Variants in SNX4 observed in about 807,000 individuals in gnomAD.
SNX4 encodes the protein sorting nexin-4.
A neutral mutation model predicts 70.8 loss-of-function variants in SNX4; 49 were observed. The ratio of observed to expected loss-of-function variants is 0.69; its 90% confidence interval spans 0.55 to 0.88. The LOEUF is 0.88. SNX4 is among the 40% of genes least tolerant of loss of function. The pLI is 0.00. For missense variants in SNX4, 528 were observed against 544.8 expected, an observed-to-expected ratio of 0.97 and a Z score of 0.31; for synonymous variants, 206 against 183.8, an observed-to-expected ratio of 1.12 and a Z score of -0.98.
Position 125,480,310 on chromosome 3 carries a change from A to G in SNX4, c.663T>C (p.Thr221=), listed in dbSNP as rs759997979. The G allele has an allele frequency of 5.9e-6, 9 of 1,523,480 alleles. No individual in the cohort carries two copies. In the African/African-American group the frequency reaches 1.2e-4, roughly 21 times the overall value. The allele number at this position is 1,523,480 out of a possible 1,614,324, so 94.4% of individuals were successfully genotyped here. Residue 221 remains threonine, a synonymous_variant, in exon 7 of 14, where the codon ACT becomes ACC. Transcript: ENST00000251775. ...FRVKNPDKRF[T]DLKHYSDELQ... is the part of the protein sequence containing the mutation. ...GTTCATCACTATAGTGCTTAAGGTCAGTAAATCTCCTGAAACAGGAAACAA... is the reference window on the plus strand; with the variant it reads ...GTTCATCACTATAGTGCTTAAGGTCGGTAAATCTCCTGAAACAGGAAACAA...
chr3:125,461,333 C>T (rs184683836), intron 9 of SNX4, among the ~76,000 whole-genome samples: 1 of 152,236 alleles, frequency 6.6e-6, no homozygotes, highest in Admixed American at 6.5e-5. Flanking sequence ...TGAGAATTAG[C>T]GTTTAGAATC....
At position 125,490,301 on chromosome 3, in the gene SNX4, G is replaced by A. The variant is rs540653578; in HGVS notation, c.598-838C>T. ...TGTAATCCCAGCACTTTGGGAGGCC[G>A]AGGCAGGCGGAGCACGAGGTCAGGA... On this transcript the variant is annotated intron_variant, in intron 5 of 13. Transcript: ENST00000251775. Among the ~76,000 whole-genome samples, 53 of 151,914 alleles carry A rather than the reference G, an allele frequency of 3.5e-4. 1 individual carries two copies. The highest frequency in any genetic ancestry group is 4.9e-4 in the Non-Finnish European group (33 of 67,992).
chr3:125,512,793 C>CA (rs1463640025), intron 1 of SNX4, among the ~76,000 whole-genome samples: 7 of 145,684 alleles, frequency 4.8e-5, no homozygotes, highest in Non-Finnish European at 1.0e-4. Context: ...TTTTTTGAGA[C>CA]AGAGTGTCAC....
chr3:125,465,445 C>T (rs1223764647), intron 9 of SNX4, among the ~76,000 whole-genome samples: 3 of 151,626 alleles, frequency 2.0e-5, no homozygotes, highest in East Asian at 1.9e-4. Context: ...GATGGGGTTT[C>T]GCCATGTCAG....
intron 1 of SNX4, among the ~76,000 whole-genome samples, chr3:125,518,768 C>A (rs1402670324): frequency 6.6e-6 from 1 of 151,634 alleles, no homozygotes; most frequent in South Asian, 2.1e-4. Flanking sequence ...CTTGGGAGGC[C>A]GAGGAGGGTG....
Position 125,466,811 on chromosome 3 carries a change from G to A in SNX4, c.854+2643C>T, listed in dbSNP as rs149350720. Among the ~76,000 whole-genome samples the A allele has an allele frequency of 9.9e-5, 15 of 151,838 alleles. No homozygotes were observed. In the East Asian group the frequency reaches 1.2e-3, roughly 12 times the overall value. On this transcript the variant is annotated intron_variant, in intron 9 of 13. Transcript: ENST00000251775. Reference sequence around the variant, plus strand: ...TTTAAAAAAAGAAAAAAAGCCGGACGCAGTGGCTCACGCCTATAATCCCAG... The same window carrying A: ...TTTAAAAAAAGAAAAAAAGCCGGACACAGTGGCTCACGCCTATAATCCCAG...
At chr3:125,492,107 C>CAAAAAAAAAAAAAAAA in intron 5 of SNX4, among the ~76,000 whole-genome samples, 1 of 47,406 alleles carries the variant, frequency 2.1e-5, no homozygotes, top group South Asian at 1.1e-3. Context: ...GACTCCATCT[C>CAAAAAAAAAAAAAAAA]AAAAAAAAAA....
chr3:125,496,723 C>T (rs1934801559), intron 5 of SNX4, among the ~76,000 whole-genome samples: 1 of 152,146 alleles, frequency 6.6e-6, no homozygotes, highest in Admixed American at 6.5e-5. Flanking sequence ...ATTTTCAGAT[C>T]ATCATCTCAT....
chr3:125,500,188 C>T (rs1934895694), intron 2 of SNX4, among the ~76,000 whole-genome samples: 1 of 152,024 alleles, frequency 6.6e-6, no homozygotes, highest in Non-Finnish European at 1.5e-5. Context: ...TATCTAATCA[C>T]TCAACAACTA....
At chr3:125,519,993 C>A in intron 1 of SNX4, 39 bp downstream of exon 1, 1 of 1,455,444 alleles carries the variant, frequency 6.9e-7, no homozygotes, top group South Asian at 1.3e-5. Flanking sequence ...GCTAGGCCAC[C>A]ACACAGGCCA....
At chr3:125,464,355 T>C (rs1381798700) in intron 9 of SNX4, among the ~76,000 whole-genome samples, 1 of 152,052 alleles carries the variant, frequency 6.6e-6, no homozygotes, top group African/African-American at 2.4e-5. Flanking sequence ...TTCTTAACAA[T>C]GTTTTCCACT....
chr3:125,486,201 T>C (rs764353567), intron 6 of SNX4, among the ~76,000 whole-genome samples: 3 of 152,168 alleles, frequency 2.0e-5, no homozygotes, highest in African/African-American at 2.4e-5. Context: ...TATATAGATT[T>C]TTCTCTATCC....
At chr3:125,467,999 T>A (rs1314893077) in intron 9 of SNX4, among the ~76,000 whole-genome samples, 1 of 152,132 alleles carries the variant, frequency 6.6e-6, no homozygotes, top group African/African-American at 2.4e-5. Context: ...CTAAATGCCA[T>A]GAACGGTGGA....
At chr3:125,474,221 G>C (rs1934241077) in intron 8 of SNX4, among the ~76,000 whole-genome samples, 2 of 152,110 alleles carry the variant, frequency 1.3e-5, no homozygotes, top group Admixed American at 1.3e-4. Context: ...ATTCTTCACT[G>C]GCAACTGCTG....
chr3:125,500,119 A>C (rs1404466222), intron 2 of SNX4, among the ~76,000 whole-genome samples: 1 of 152,072 alleles, frequency 6.6e-6, no homozygotes. Context: ...TAGTAGTTTC[A>C]TTATAAACTG....
intron 8 of SNX4, among the ~76,000 whole-genome samples, chr3:125,475,111 A>G (rs766222164): frequency 6.6e-6 from 1 of 152,192 alleles, no homozygotes; most frequent in African/African-American, 2.4e-5. Flanking sequence ...CATTTTTATA[A>G]TATCAATAAG....
intron 1 of SNX4, among the ~76,000 whole-genome samples, chr3:125,508,704 T>C (rs1225291379): frequency 3.9e-5 from 6 of 152,082 alleles, no homozygotes; most frequent in Admixed American, 1.3e-4. Flanking sequence ...TGAAATCAGA[T>C]AGTCCAGAAA....
chr3:125,466,427 A>C (rs1252825880), intron 9 of SNX4, among the ~76,000 whole-genome samples: 1 of 152,194 alleles, frequency 6.6e-6, no homozygotes, highest in Non-Finnish European at 1.5e-5. Flanking sequence ...CTCCAAAAGC[A>C]ATTGCAACAA....
At position 125,447,628 on chromosome 3, in the gene SNX4, A is replaced by ATG. The variant is rs1933456205; in HGVS notation, c.*150_*151insCA. 1 of 546,828 alleles carries ATG rather than the reference A, an allele frequency of 1.8e-6. No homozygotes were observed. Among genetic ancestry groups the ATG allele is most frequent in the Non-Finnish European group, 3.2e-6 (1 of 315,912 alleles). The allele number at this position is 546,828 out of a possible 1,614,324, so 33.9% of individuals were successfully genotyped here. A position where few individuals can be genotyped will look rare whatever the true frequency, so the allele number is the denominator to read the frequency against. On this transcript the variant is annotated 3_prime_UTR_variant, in exon 14 of 14. Coordinates refer to ENST00000251775, the MANE Select transcript of SNX4 (RefSeq NM_003794.4). ...CATTAAAATATATTTTTTGTGCTAC[A>ATG]TTAACACGACCACAATTAAGTTAAA...
Sources: gnomAD v4.1 joint callset for allele counts (sites outside exome capture counted in the v4.1 genomes callset) on GRCh38, gnomAD v4.1.1 for gene constraint, MANE v1.5 for transcripts, NCBI Gene and HGNC (gene_info 2026-07-23, HGNC 2026-07-21) for gene names.